The following SRPK2 variants were observed in gnomAD, a reference collection of about 807,000 sequenced individuals.
The protein encoded by SRPK2 is SFRS protein kinase 2.
In SRPK2, 21 loss-of-function variants were observed where a neutral mutation model predicts 90.8. That is an observed-to-expected ratio of 0.23 (90% CI 0.16 to 0.33). SRPK2 has a LOEUF of 0.33. Among genes scored for constraint, SRPK2 ranks in the 10% least tolerant of loss-of-function variants. The pLI, the probability that SRPK2 is intolerant of heterozygous loss-of-function variation, is 1.00. For missense variants in SRPK2, 620 were observed against 869.0 expected (o/e 0.71, Z 3.60); for synonymous variants, 288 against 311.1 (o/e 0.93, Z 0.78).
intron 2 of SRPK2, among the ~76,000 whole-genome samples, chr7:105,314,286 C>T (rs1057233057): frequency 2.0e-5 from 3 of 151,344 alleles, no homozygotes; most frequent in African/African-American, 7.3e-5. Context: ...GAGCTGAGAT[C>T]GCACCACTGC....
intron 2 of SRPK2, among the ~76,000 whole-genome samples, chr7:105,220,916 A>G (rs890876105): frequency 3.3e-5 from 5 of 152,216 alleles, no homozygotes; most frequent in Non-Finnish European, 7.3e-5. Flanking sequence ...GGGCAGGAAG[A>G]GCTATACAAT....
At chr7:105,345,629 T>C (rs528270418) in intron 2 of SRPK2, among the ~76,000 whole-genome samples, 25 of 152,288 alleles carry the variant, frequency 1.6e-4, no homozygotes, top group Middle Eastern at 3.4e-3. Context: ...GGATGAAAAC[T>C]TCTCAAACTC....
intron 2 of SRPK2, among the ~76,000 whole-genome samples, chr7:105,378,183 C>T (rs1290616750): frequency 2.6e-5 from 4 of 152,118 alleles, no homozygotes; most frequent in African/African-American, 9.7e-5. Context: ...ATGGAAGGTC[C>T]TTGCCCTGCC....
chr7:105,161,644 G>C (rs1308331966), intron 6 of SRPK2, among the ~76,000 whole-genome samples: 1 of 152,120 alleles, frequency 6.6e-6, no homozygotes, highest in Non-Finnish European at 1.5e-5. Context: ...AAACCTCCTA[G>C]GAACTGACAT....
chr7:105,202,139 G>A (rs1795641401), intron 3 of SRPK2, among the ~76,000 whole-genome samples: 1 of 152,182 alleles, frequency 6.6e-6, no homozygotes, highest in Non-Finnish European at 1.5e-5. Flanking sequence ...GATTCTATGT[G>A]GAAGTACGTG....
chr7:105,171,429 T>C (rs1440437771), intron 3 of SRPK2, among the ~76,000 whole-genome samples: 1 of 152,234 alleles, frequency 6.6e-6, no homozygotes, highest in Non-Finnish European at 1.5e-5. Flanking sequence ...AGATTTTTCA[T>C]TCTTTTAACA....
downstream of SRPK2, chr7:105,115,600 ATTC>A (rs1215314005): frequency 6.6e-6 from 1 of 152,194 alleles, no homozygotes; most frequent in Non-Finnish European, 1.5e-5. Flanking sequence ...GTTTTTGTGC[ATTC>A]TTTATCAACA....
chr7:105,211,244 A>AT (rs879615915), intron 2 of SRPK2, among the ~76,000 whole-genome samples: 249 of 147,340 alleles, frequency 1.7e-3, no homozygotes, highest in African/African-American at 4.1e-3. Context: ...AAAAGATCTG[A>AT]TTTTTTTTTT....
chr7:105,117,494 CATAA>C lies in SRPK2; in HGVS notation c.*340_*343del, dbSNP rs1245293173. ...ATAGTACTCAGCTAAAATATTTCTTCATAAATAGTTACAAAACCTGCCAAAACAC... is the reference window on the plus strand; with the variant it reads ...ATAGTACTCAGCTAAAATATTTCTTCATAGTTACAAAACCTGCCAAAACAC... On this transcript the variant is annotated 3_prime_UTR_variant, in exon 16 of 16. Coordinates refer to ENST00000393651, the MANE Select transcript of SRPK2 (RefSeq NM_182692.3). 6.4e-5 allele frequency: 17 copies of C among 266,102 alleles called. No individual in the cohort carries two copies. Among genetic ancestry groups the C allele is most frequent in the South Asian group, 2.4e-4 (5 of 20,708 alleles). The allele number at this position is 266,102 out of a possible 1,614,324, so 16.5% of individuals were successfully genotyped here.
intron 2 of SRPK2, among the ~76,000 whole-genome samples, chr7:105,335,816 C>T (rs1187067762): frequency 5.9e-5 from 9 of 151,746 alleles, no homozygotes; most frequent in African/African-American, 1.7e-4. Flanking sequence ...ATTAGCCAAG[C>T]GTGGTGGCAG....
intron 2 of SRPK2, among the ~76,000 whole-genome samples, chr7:105,223,753 T>C (rs533733117): frequency 1.3e-5 from 2 of 152,374 alleles, no homozygotes; most frequent in Admixed American, 6.5e-5. Flanking sequence ...TTTGTCAAGC[T>C]ATACTCAGAA....
chr7:105,346,571 T>C (rs1034696094), intron 2 of SRPK2, among the ~76,000 whole-genome samples: 1 of 152,020 alleles, frequency 6.6e-6, no homozygotes, highest in Admixed American at 6.6e-5. Flanking sequence ...CTGGCCAATA[T>C]GGTGAAACCC....
At chr7:105,229,659 T>C (rs367802888) in intron 2 of SRPK2, among the ~76,000 whole-genome samples, 6 of 152,172 alleles carry the variant, frequency 3.9e-5, no homozygotes, top group Non-Finnish European at 7.3e-5. Context: ...AGGACTATCA[T>C]AGAGTAGGAA....
At chr7:105,335,745 G>A (rs1405537512) in intron 2 of SRPK2, among the ~76,000 whole-genome samples, 3 of 151,806 alleles carry the variant, frequency 2.0e-5, no homozygotes. Flanking sequence ...CCTGAGGTCG[G>A]GAGTTCAAGA....
In SRPK2 at chr7:105,294,745, C is replaced by CTT. The variant is rs1392650124; in HGVS notation, c.72-90961_72-90960insAA. ...TTCATCATGTTGGCCAGACTGGTAA[C>CTT]GAACTCCTGACCTCAACTGATCTGC... On this transcript the variant is annotated intron_variant, in intron 2 of 15. Transcript: ENST00000393651. 2.8e-3 allele frequency among the ~76,000 whole-genome samples: 421 copies of CTT among 152,100 alleles called. 10 individuals carry two copies. The East Asian group carries it at 0.055, about 20-fold the overall frequency.
chr7:105,396,420 G>A (rs1369144641), intron 1 of SRPK2, among the ~76,000 whole-genome samples: 4 of 151,696 alleles, frequency 2.6e-5, no homozygotes, highest in Non-Finnish European at 4.4e-5. Flanking sequence ...GGCAGATCAC[G>A]AGGTCAGGAG....
At chr7:105,225,229 T>C (rs1022905568) in intron 2 of SRPK2, among the ~76,000 whole-genome samples, 4 of 152,182 alleles carry the variant, frequency 2.6e-5, no homozygotes, top group Admixed American at 6.5e-5. Flanking sequence ...AACACCACTG[T>C]CAATAAAATC....
At chr7:105,296,105 T>G (rs562627729) in intron 2 of SRPK2, among the ~76,000 whole-genome samples, 4 of 152,246 alleles carry the variant, frequency 2.6e-5, no homozygotes, top group African/African-American at 9.6e-5. Flanking sequence ...CTCTGAAGAG[T>G]ACAAGAATAC....
At chr7:105,308,822 TTAAAACTCCACGAAAACTAAA>T (rs1400714963) in intron 2 of SRPK2, among the ~76,000 whole-genome samples, 4 of 152,216 alleles carry the variant, frequency 2.6e-5, no homozygotes, top group African/African-American at 9.6e-5. Context: ...CTTAGATTAC[TTAAAACTCCACGAAAACTAAA>T]CAGGATTTCT....
Sources: gnomAD v4.1 joint callset for allele counts (sites outside exome capture counted in the v4.1 genomes callset) on GRCh38, gnomAD v4.1.1 for gene constraint, MANE v1.5 for transcripts, NCBI Gene and HGNC (gene_info 2026-07-23, HGNC 2026-07-21) for gene names.